The following CHEK2 variants were observed in gnomAD, a reference collection of about 807,000 sequenced individuals.
CHEK2 encodes the protein serine/threonine-protein kinase Chk2.
In CHEK2, 71 loss-of-function variants were observed where a neutral mutation model predicts 69.1. The observed-to-expected ratio is 1.03, with a 90% CI of 0.85 to 1.25. The LOEUF (loss-of-function observed/expected upper bound fraction) is 1.25. CHEK2 is among the 50% of genes most tolerant of loss of function. The pLI, the probability that CHEK2 is intolerant of heterozygous loss-of-function variation, is 0.00. For synonymous variants in CHEK2, 189 were observed against 226.9 expected (o/e 0.83, Z 1.50); for missense variants, 664 against 649.6 (o/e 1.02, Z -0.24).
chr22:28,711,194 G>A (rs1046015207), intron 6 of CHEK2, among the ~76,000 whole-genome samples: 2 of 152,172 alleles, frequency 1.3e-5, no homozygotes, highest in African/African-American at 2.4e-5. Flanking sequence ...TACAGTAAAT[G>A]TTGATTACAA....
intron 2 of CHEK2, chr22:28,729,505 T>C (rs1185741449): frequency 7.7e-6 from 1 of 129,234 alleles, no homozygotes; most frequent in Non-Finnish European, 1.5e-5. Context: ...ATCACGCCAC[T>C]GCACTCCAGC....
rs534006409 is a variant in CHEK2 at position 28,702,454 on chromosome 22, G to C, written c.908+1051C>G. On this transcript the variant is annotated intron_variant, in intron 8 of 14. Transcript: ENST00000404276. ...AGGGTTTCACCGTGTTAGCCAGGAT[G>C]GCCTCGATCTCCTGACCTTGTGATC... Among the ~76,000 whole-genome samples the C allele has an allele frequency of 3.9e-3, 589 of 151,282 alleles. 5 individuals are homozygous for C. The highest frequency in any genetic ancestry group is 0.014 in the African/African-American group (560 of 41,208).
At chr22:28,738,504 C>T (rs566621659) in intron 1 of CHEK2, among the ~76,000 whole-genome samples, 2 of 152,278 alleles carry the variant, frequency 1.3e-5, no homozygotes, top group South Asian at 2.1e-4. Context: ...AATAAGTAGA[C>T]AGACCATGAG....
intron 10 of CHEK2, 150 bp downstream of exon 10, chr22:28,696,751 G>A: frequency 1.5e-6 from 1 of 660,586 alleles, no homozygotes; most frequent in Non-Finnish European, 2.7e-6. Context: ...ATCTGGATAA[G>A]AGCAGTATCA....
chr22:28,724,286 T>C (rs1310232799), intron 4 of CHEK2, among the ~76,000 whole-genome samples: 1 of 151,886 alleles, frequency 6.6e-6, no homozygotes, highest in Non-Finnish European at 1.5e-5. Context: ...CAGGAGCCTG[T>C]AATCCCAGCT....
chr22:28,709,968 T>C (rs771051697), intron 7 of CHEK2, 38 bp downstream of exon 7: 4 of 1,131,888 alleles, frequency 3.5e-6, no homozygotes, highest in East Asian at 2.4e-5. Context: ...TATTTTGAGA[T>C]AGATAAATCT....
At chr22:28,716,201 T>A (rs1483674443) in intron 5 of CHEK2, among the ~76,000 whole-genome samples, 1 of 59,976 alleles carries the variant, frequency 1.7e-5, no homozygotes, top group East Asian at 3.4e-4. Flanking sequence ...TTTTTTCTCT[T>A]TTTTTTTTTT....
intron 5 of CHEK2, among the ~76,000 whole-genome samples, chr22:28,714,912 G>A (rs938812291): frequency 2.6e-5 from 4 of 152,082 alleles, no homozygotes; most frequent in Non-Finnish European, 5.9e-5. Flanking sequence ...CTTTGCCTGG[G>A]AATTCCTCCC....
intron 4 of CHEK2, among the ~76,000 whole-genome samples, chr22:28,724,407 T>TA (rs983560118): frequency 4.0e-5 from 6 of 150,396 alleles, no homozygotes; most frequent in African/African-American, 7.3e-5. Flanking sequence ...AGACTCCGTC[T>TA]AAAAAAAAAC....
chr22:28,739,567 T>TA (rs1343339223), intron 1 of CHEK2, among the ~76,000 whole-genome samples: 2 of 151,886 alleles, frequency 1.3e-5, no homozygotes, highest in African/African-American at 4.8e-5. Flanking sequence ...CAGGCGTCTA[T>TA]AATCCCAGCT....
In CHEK2 at chr22:28,695,772, A is replaced by G. The variant is rs1057520268; in HGVS notation, c.1197T>C (p.Val399=). 26 of 1,613,788 alleles carry G rather than the reference A, an allele frequency of 1.6e-5. No individual in the cohort carries two copies. Among genetic ancestry groups the G allele is most frequent in the Non-Finnish European group, 2.1e-5 (25 of 1,179,776 alleles). The change falls in exon 11 of 15, where the codon GTT becomes GTC. Residue 399 remains valine (V), a synonymous_variant. Coordinates refer to ENST00000404276, the MANE Select transcript of CHEK2 (RefSeq NM_007194.4). ...CAGCACGGTTATACCCAGCAGTCCC[A>G]ACAGAAACAAGAACTTCAGGCGCCA... The part of the protein sequence containing the change: ...TYLAPEVLVS[V]GTAGYNRAVD...
At chr22:28,737,211 C>T (rs982136122) in intron 1 of CHEK2, 3 of 456,074 alleles carry the variant, frequency 6.6e-6, no homozygotes, top group Non-Finnish European at 1.3e-5. Context: ...TTATGCACAA[C>T]TTTCTTTTTC....
intron 7 of CHEK2, among the ~76,000 whole-genome samples, chr22:28,705,591 G>C (rs927117689): frequency 4.6e-5 from 7 of 152,052 alleles, no homozygotes; most frequent in African/African-American, 1.7e-4. Context: ...GAAACAAGCA[G>C]TAAAACTATA....
chr22:28,700,481 G>A (rs1482097372), intron 8 of CHEK2, among the ~76,000 whole-genome samples: 2 of 152,244 alleles, frequency 1.3e-5, no homozygotes, highest in East Asian at 1.9e-4. Flanking sequence ...TCCCAAAAGT[G>A]CTGGGATTAC....
intron 5 of CHEK2, among the ~76,000 whole-genome samples, chr22:28,718,502 A>G (rs1377524063): frequency 1.3e-5 from 2 of 152,194 alleles, no homozygotes; most frequent in Non-Finnish European, 2.9e-5. Context: ...AGCATTATTC[A>G]CAATAGCCAA....
intron 8 of CHEK2, among the ~76,000 whole-genome samples, chr22:28,702,232 TA>T (rs956154624): frequency 1.0e-5 from 1 of 97,188 alleles, no homozygotes; most frequent in African/African-American, 3.4e-5. Context: ...TTTCTTTCTC[TA>T]TTTTTTTTTT....
intron 13 of CHEK2, 163 bp from the exon 14 acceptor site, chr22:28,689,378 T>G (rs1201813751): frequency 1.7e-5 from 12 of 699,486 alleles, no homozygotes; most frequent in Non-Finnish European, 2.6e-5. Context: ...GTTGCCCGCC[T>G]CTACCTTCCC....
At chr22:28,710,495 T>G (rs983224389) in intron 6 of CHEK2, among the ~76,000 whole-genome samples, 2 of 152,192 alleles carry the variant, frequency 1.3e-5, no homozygotes, top group African/African-American at 4.8e-5. Context: ...ACAAAAAACA[T>G]GAACAAGAAG....
Position 28,734,727 on chromosome 22 carries a change from C to T in CHEK2, c.-6G>A, listed in dbSNP as rs376995740. On this transcript the variant is annotated splice_region_variant and 5_prime_UTR_variant, in exon 2 of 15. Transcript: ENST00000404276. ...ACATCCGACTCCCGAGACATCACGACCTCAAAAAGAAAGTGTCCAACAACA... is the reference window on the plus strand; with the variant it reads ...ACATCCGACTCCCGAGACATCACGATCTCAAAAAGAAAGTGTCCAACAACA... 8.9e-5 allele frequency: 144 copies of T among 1,612,658 alleles called. No homozygotes were observed. In the African/African-American group the frequency reaches 1.8e-3, roughly 21 times the overall value.
Sources: allele counts gnomAD v4.1 joint callset (sites outside exome capture counted in the v4.1 genomes callset), GRCh38; gene constraint gnomAD v4.1.1; transcripts MANE v1.5; gene names NCBI Gene and HGNC (gene_info 2026-07-23, HGNC 2026-07-21).